Variants in INTS1 observed in about 807,000 individuals in gnomAD.
INTS1 encodes integrator complex subunit 1.
Under a neutral mutation model 241.6 loss-of-function variants are expected in INTS1, and 137 were observed. The observed-to-expected ratio is 0.57, with a 90% CI of 0.49 to 0.65. The LOEUF is 0.65. Ranked by LOEUF, INTS1 falls within the 30% of genes least tolerant of loss-of-function variation. The probability of loss-of-function intolerance (pLI) is 0.00; values close to 1 mark genes in which losing one functional copy is unlikely to be tolerated. For synonymous variants in INTS1, 1,692 were observed against 1,337.8 expected (o/e 1.26, Z -5.78); for missense variants, 3,073 against 3,032.2 (o/e 1.01, Z -0.32).
intron 22 of INTS1, among the ~76,000 whole-genome samples, chr7:1,486,201 G>A (rs1323692161): frequency 1.3e-5 from 2 of 151,948 alleles, no homozygotes; most frequent in Non-Finnish European, 2.9e-5. Context: ...CTCCCAAAGT[G>A]CTGGGATGAC....
chr7:1,496,095 A>T, intron 12 of INTS1, 61 bp downstream of exon 12: 1 of 1,361,070 alleles, frequency 7.3e-7, no homozygotes, highest in Non-Finnish European at 1.0e-6. Context: ...GAGAGCCGCC[A>T]GCCACCAGCC....
At position 1,493,875 on chromosome 7, in the gene INTS1, C is replaced by A. The variant is rs867646792; in HGVS notation, c.1947G>T (p.Leu649Phe). The A allele has an allele frequency of 6.4e-7, 1 of 1,566,350 alleles. No homozygotes were observed. Among genetic ancestry groups the A allele is most frequent in the Non-Finnish European group, 8.6e-7 (1 of 1,156,256 alleles). The change falls in exon 15 of 48, where the codon TTG (leucine) becomes TTT (phenylalanine). Residue 649 changes from leucine to phenylalanine, a missense_variant. Physicochemically the swap from Leu to Phe is conservative, Grantham distance 22 (BLOSUM62 0). Transcript: ENST00000404767. This position sits in a 1 kb window ranked among gnomAD's most constrained non-coding sequence, Gnocchi z 5.3. ...CCAGGATGCGCATCAGCGTGTCCTC[C>A]AAAATGGGCACCTCGGAGCACAGAC... is the stretch of plus-strand genomic sequence containing the variant. ...FLRLCSEVPI[L>F]EDTLMRILVI... is the part of the protein sequence containing the mutation.
chr7:1,487,281 A>G, intron 20 of INTS1, 39 bp downstream of exon 20: 3 of 1,560,830 alleles, frequency 1.9e-6, no homozygotes, highest in Non-Finnish European at 2.6e-6. Context: ...CGGGCCTCCC[A>G]AGACCACCAT....
rs538819365 is a variant in INTS1 at position 1,482,822 on chromosome 7, G to A, written c.3542-115C>T. 5.5e-6 allele frequency: 7 copies of A among 1,277,322 alleles called. No homozygotes were observed. In the East Asian group the frequency reaches 9.3e-5, roughly 17 times the overall value. The allele number at this position is 1,277,322 out of a possible 1,614,324, so 79.1% of individuals were successfully genotyped here. A position where few individuals can be genotyped will look rare whatever the true frequency, so the allele number is the denominator to read the frequency against. On this transcript the variant is annotated intron_variant, in intron 26 of 47. Coordinates refer to ENST00000404767, the MANE Select transcript of INTS1 (RefSeq NM_001080453.3). ...TCCCGAGAAGGAAACTGAGACTTGG[G>A]AGGAGCACGGGGCTCCTGTGCTAGG...
chr7:1,487,613 G>A (rs1277389215), intron 19 of INTS1, 147 bp downstream of exon 19: 1 of 1,264,272 alleles, frequency 7.9e-7, no homozygotes, highest in African/African-American at 1.5e-5. Flanking sequence ...CAGTAAGCCA[G>A]GGACGCGGGG....
chr7:1,478,978 G>A, intron 31 of INTS1, 93 bp from the exon 32 acceptor site: 5 of 1,364,158 alleles, frequency 3.7e-6, no homozygotes, highest in Non-Finnish European at 3.9e-6. Flanking sequence ...AGGCTGCTGA[G>A]ACCTGCCGCG....
intron 37 of INTS1, 22 bp downstream of exon 37, chr7:1,476,548 G>A: frequency 1.2e-6 from 2 of 1,611,782 alleles, no homozygotes; most frequent in Non-Finnish European, 1.7e-6. Context: ...TCTCCCGGAT[G>A]GGCCACCCTC....
rs1781518173 is a variant in INTS1, at chr7:1,472,479, C to T, written c.6071-93G>A. The T allele has an allele frequency of 4.5e-6, 4 of 879,618 alleles. No individual in the cohort carries two copies. In the South Asian group the frequency reaches 7.0e-5, roughly 15 times the overall value. The allele number at this position is 879,618 out of a possible 1,614,324, so 54.5% of individuals were successfully genotyped here. On this transcript the variant is annotated intron_variant, in intron 43 of 47. Transcript: ENST00000404767. ...CCTGCCCTCCCGAGAGCACGGCGGC[C>T]ACTGCCCAGGCTCCCAAGGTGCCTG...
At chr7:1,500,525 C>G (rs1035431471) in intron 3 of INTS1, among the ~76,000 whole-genome samples, 159 bp from the exon 4 acceptor site, 1 of 152,152 alleles carries the variant, frequency 6.6e-6, no homozygotes, top group Non-Finnish European at 1.5e-5. Flanking sequence ...CGGACAAGCA[C>G]CCCACCAGAT....
In INTS1 at chr7:1,498,232, CCA is replaced by C. The variant is rs1376339740; in HGVS notation, c.1425+178_1425+179del. ...AAGACGCTGGGCGCTGTGGCTGCAC[CCA>C]CTCTAGAAACGGCTCAACCTCATGC... On this transcript the variant is annotated intron_variant, in intron 10 of 47. Coordinates refer to ENST00000404767, the MANE Select transcript of INTS1 (RefSeq NM_001080453.3). 13 of 880,718 alleles carry C rather than the reference CCA, an allele frequency of 1.5e-5. No homozygotes were observed. In the Admixed American group the frequency reaches 2.4e-4, roughly 16 times the overall value. The allele number at this position is 880,718 out of a possible 1,614,324, so 54.6% of individuals were successfully genotyped here.
chr7:1,480,131 G>A (rs1395813807), intron 30 of INTS1, among the ~76,000 whole-genome samples, 186 bp downstream of exon 30: 1 of 152,288 alleles, frequency 6.6e-6, no homozygotes, highest in Non-Finnish European at 1.5e-5. Context: ...GAGAGCATGG[G>A]GGTGTTACGT....
At chr7:1,477,270 G>C (rs990751702) in intron 35 of INTS1, among the ~76,000 whole-genome samples, 1 of 152,316 alleles carries the variant, frequency 6.6e-6, no homozygotes. Context: ...ATGATCTACA[G>C]GGTTTGGCAG....
chr7:1,484,268 T>C (rs1388948859), intron 24 of INTS1, 98 bp from the exon 25 acceptor site: 3 of 1,294,234 alleles, frequency 2.3e-6, no homozygotes, highest in African/African-American at 2.9e-5. Flanking sequence ...ACTGGGATCT[T>C]AAGCAGGGCC....
chr7:1,495,326 T>C (rs1175523188), intron 13 of INTS1, 107 bp downstream of exon 13: 3 of 1,325,314 alleles, frequency 2.3e-6, no homozygotes, highest in African/African-American at 3.0e-5. Context: ...GTGCGGGGCC[T>C]GGCTTGTCCT....
At chr7:1,478,267 G>A in intron 33 of INTS1, 99 bp downstream of exon 33, 1 of 1,339,190 alleles carries the variant, frequency 7.5e-7, no homozygotes, top group East Asian at 2.4e-5. Flanking sequence ...ACAGTGCTGA[G>A]CAGACACTGT....
chr7:1,485,972 T>G (rs1782245788), intron 22 of INTS1, among the ~76,000 whole-genome samples: 2 of 152,194 alleles, frequency 1.3e-5, no homozygotes, highest in Admixed American at 6.5e-5. Context: ...TTTTCTCATC[T>G]TTTATTTTTT....
chr7:1,475,889 T>G, intron 39 of INTS1, 59 bp downstream of exon 39: 1 of 1,513,850 alleles, frequency 6.6e-7, no homozygotes, highest in South Asian at 1.2e-5. Flanking sequence ...CCGCCCTCCC[T>G]CCCTGCCCGG....
intron 4 of INTS1, 54 bp from the exon 5 acceptor site, chr7:1,500,075 C>T: frequency 6.3e-7 from 1 of 1,577,534 alleles, no homozygotes; most frequent in South Asian, 1.1e-5. Flanking sequence ...AGAGGCAAAG[C>T]TGGGGTGGGC....
chr7:1,472,655 C>T (rs965491552), intron 43 of INTS1, among the ~76,000 whole-genome samples: 2 of 152,196 alleles, frequency 1.3e-5, no homozygotes, highest in Non-Finnish European at 2.9e-5. Flanking sequence ...CCCCTTGGGA[C>T]CCGGGCCTGG....
Sources: gnomAD v4.1 joint callset for allele counts (sites outside exome capture counted in the v4.1 genomes callset) on GRCh38, gnomAD v4.1.1 for gene constraint, Gnocchi (gnomAD v3.1) non-coding constraint, MANE v1.5 for transcripts, NCBI Gene and HGNC (gene_info 2026-07-23, HGNC 2026-07-21) for gene names.